LRMDA: variants seen among roughly 807,000 people sequenced by gnomAD.
The protein encoded by LRMDA is leucine-rich melanocyte differentiation-associated protein.
Under a neutral mutation model 29.8 loss-of-function variants are expected in LRMDA, and 18 were observed. The ratio of observed to expected loss-of-function variants is 0.60; its 90% CI spans 0.42 to 0.90. The LOEUF is 0.90. Ranked by LOEUF, LRMDA falls within the 40% of genes least tolerant of loss-of-function variation. LRMDA has a pLI of 0.00. For missense variants in LRMDA, 273 were observed against 273.9 expected (o/e 1.00, Z 0.02); for synonymous variants, 125 against 109.4 (o/e 1.14, Z -0.89).
At chr10:75,523,042 A>G (rs545989407) in intron 2 of LRMDA, among the ~76,000 whole-genome samples, 1 of 152,318 alleles carries the variant, frequency 6.6e-6, no homozygotes, top group South Asian at 2.1e-4. Context: ...GCAGCCTTGG[A>G]CAATCATTTC....
intron 2 of LRMDA, among the ~76,000 whole-genome samples, chr10:75,793,108 C>T (rs1843596498): frequency 4.6e-5 from 7 of 152,184 alleles, no homozygotes; most frequent in Admixed American, 3.9e-4. Context: ...GGATAGCATA[C>T]AGAAACAGTA....
rs1842885572 is a variant in LRMDA, at chr10:76,497,528, C to T, written c.602-59681C>T. ...GCCCACCACTTCAACTCAAGTATAC[C>T]CCACTGACTCTATTCAGTAGAGAGA... On this transcript the variant is annotated intron_variant, in intron 6 of 6. Transcript: ENST00000611255. Among the ~76,000 whole-genome samples, 2 of 75,062 alleles carry T rather than the reference C, an allele frequency of 2.7e-5. 1 individual carries two copies. Among genetic ancestry groups the T allele is most frequent in the South Asian group, 7.0e-4 (2 of 2,846 alleles). 49.2% of individuals were successfully genotyped at this position (75,062 alleles called of 152,430 possible).
At position 76,499,343 on chromosome 10, in the gene LRMDA, T is replaced by C. The variant is rs1247093248; in HGVS notation, c.602-57866T>C. Among the ~76,000 whole-genome samples, 3 of 74,550 alleles carry C rather than the reference T, an allele frequency of 4.0e-5. 1 individual carries two copies. The highest frequency in any genetic ancestry group is 1.3e-4 in the Non-Finnish European group (3 of 22,530). 48.9% of individuals were successfully genotyped at this position (74,550 alleles called of 152,430 possible). Reference sequence around the variant, plus strand: ...TGGACATTTCACATAAATGCAATCATATAGTGTGATCTTTTGTGCCTGGTG... The same window carrying C: ...TGGACATTTCACATAAATGCAATCACATAGTGTGATCTTTTGTGCCTGGTG... On this transcript the variant is annotated intron_variant, in intron 6 of 6. Transcript: ENST00000611255.
chr10:75,660,239 C>A (rs2132133971), intron 2 of LRMDA, among the ~76,000 whole-genome samples: 1 of 152,336 alleles, frequency 6.6e-6, no homozygotes, highest in Non-Finnish European at 1.5e-5. Context: ...CCCTTCCCTG[C>A]TGACTCTATT....
chr10:76,032,733 C>A (rs1297207851), intron 2 of LRMDA, among the ~76,000 whole-genome samples: 1 of 152,086 alleles, frequency 6.6e-6, no homozygotes, highest in Non-Finnish European at 1.5e-5. Context: ...GTTTCCAGAA[C>A]AATCCAGGCC....
At chr10:75,968,070 TGGTGGTGAGGGAGGG>T (rs1223143822) in intron 2 of LRMDA, among the ~76,000 whole-genome samples, 1 of 151,988 alleles carries the variant, frequency 6.6e-6, no homozygotes, top group Non-Finnish European at 1.5e-5. Flanking sequence ...AATTTTCTGA[TGGTGGTGAGGGAGGG>T]GGCTTGTTGG....
At chr10:75,476,090 G>A (rs895550891) in intron 2 of LRMDA, among the ~76,000 whole-genome samples, 1 of 152,200 alleles carries the variant, frequency 6.6e-6, no homozygotes, top group Non-Finnish European at 1.5e-5. Context: ...GGAAATTGGA[G>A]GCCAAGCCTT....
At chr10:75,802,972 A>ATTT (rs141657133) in intron 2 of LRMDA, among the ~76,000 whole-genome samples, 18 of 110,050 alleles carry the variant, frequency 1.6e-4, no homozygotes, top group African/African-American at 5.0e-4. Flanking sequence ...ATATATATAT[A>ATTT]TTTTTTTTTT....
chr10:76,437,637 G>A (rs904621583), intron 6 of LRMDA: 1 of 152,252 alleles, frequency 6.6e-6, no homozygotes, highest in Non-Finnish European at 1.5e-5. Context: ...TTCACACCAA[G>A]GCTTAAAGTG....
At chr10:76,340,593 C>T (rs976713575) in intron 6 of LRMDA, among the ~76,000 whole-genome samples, 5 of 149,582 alleles carry the variant, frequency 3.3e-5, no homozygotes, top group Admixed American at 1.3e-4. Context: ...TAAAATCTCT[C>T]AGTAAACACA....
intron 6 of LRMDA, among the ~76,000 whole-genome samples, chr10:76,400,940 C>A (rs1841841182): frequency 3.9e-5 from 6 of 152,150 alleles, no homozygotes. Context: ...GGAATATCTG[C>A]ATTATATGCT....
chr10:75,493,531 A>G (rs540563632), intron 2 of LRMDA, among the ~76,000 whole-genome samples: 4 of 152,204 alleles, frequency 2.6e-5, no homozygotes, highest in Non-Finnish European at 5.9e-5. Flanking sequence ...ACCCTTCTGA[A>G]GAGTGCTAGG....
chr10:76,227,031 G>A (rs115297992), intron 5 of LRMDA, among the ~76,000 whole-genome samples: 1,560 of 152,282 alleles, frequency 0.01, 27 homozygotes, highest in African/African-American at 0.031. Context: ...AAATATTATG[G>A]AAAGCCTGTC....
chr10:76,325,454 A>C (rs1027358911), intron 6 of LRMDA, among the ~76,000 whole-genome samples: 3 of 152,334 alleles, frequency 2.0e-5, no homozygotes, highest in Admixed American at 6.5e-5. Context: ...TTTTGCTCAA[A>C]GTCAGGGAGA....
intron 6 of LRMDA, among the ~76,000 whole-genome samples, chr10:76,524,296 A>G (rs1313705519): frequency 6.6e-6 from 1 of 152,194 alleles, no homozygotes; most frequent in Non-Finnish European, 1.5e-5. Flanking sequence ...ATGAAATGTT[A>G]AGGGAGAAAA....
At chr10:76,082,317 T>G (rs1487199504) in intron 5 of LRMDA, among the ~76,000 whole-genome samples, 2 of 152,136 alleles carry the variant, frequency 1.3e-5, no homozygotes, top group African/African-American at 4.8e-5. Context: ...TCAGGCTTGA[T>G]TTCCCTGCCT....
In LRMDA at chr10:76,477,703, G is replaced by C. The variant is rs953350422; in HGVS notation, c.602-79506G>C. On this transcript the variant is annotated intron_variant, in intron 6 of 6. Transcript: ENST00000611255. ...AGCATGGTACTGGTACCAAAGCAGA[G>C]ATATAGACCAATGGAACAGAACAGA... 3.3e-5 allele frequency among the ~76,000 whole-genome samples: 5 copies of C among 152,064 alleles called. No homozygotes were observed. In the East Asian group the frequency reaches 5.8e-4, roughly 18 times the overall value.
chr10:76,437,251 C>A (rs1842254740), intron 6 of LRMDA, among the ~76,000 whole-genome samples: 1 of 152,286 alleles, frequency 6.6e-6, no homozygotes, highest in Non-Finnish European at 1.5e-5. Context: ...GACCAGATAA[C>A]AAAGAATCCT....
Position 75,431,700 on chromosome 10 carries a change from G to A in LRMDA, c.-25G>A. ...CCGCCGCGCCCCCGCGCTCCGTCCCGCGCGCCCGCAGCGTCCTGGCCGCCA... is the reference window on the plus strand; with the variant it reads ...CCGCCGCGCCCCCGCGCTCCGTCCCACGCGCCCGCAGCGTCCTGGCCGCCA... On this transcript the variant is annotated 5_prime_UTR_variant, in exon 1 of 7. Transcript: ENST00000611255. 1.5e-6 allele frequency: 2 copies of A among 1,301,422 alleles called. No individual in the cohort carries two copies. Among genetic ancestry groups the A allele is most frequent in the Non-Finnish European group, 1.9e-6 (2 of 1,029,304 alleles). The allele number at this position is 1,301,422 out of a possible 1,614,324, so 80.6% of individuals were successfully genotyped here.
Sources: gnomAD v4.1 joint callset for allele counts (sites outside exome capture counted in the v4.1 genomes callset) on GRCh38, gnomAD v4.1.1 for gene constraint, MANE v1.5 for transcripts, NCBI Gene and HGNC (gene_info 2026-07-23, HGNC 2026-07-21) for gene names.